Variants in RANBP10 observed in about 807,000 individuals in gnomAD.
RANBP10 encodes RAN binding protein 10.
RANBP10 carries 24 observed loss-of-function variants against 72.8 expected under a neutral mutation model. The observed-to-expected ratio is 0.33, with a 90% CI of 0.24 to 0.46. The LOEUF (loss-of-function observed/expected upper bound fraction) is 0.46, where lower values mean the gene tolerates loss of function less well. RANBP10 is among the 20% of genes least tolerant of loss of function. The pLI is 1.00. For synonymous variants in RANBP10, 310 were observed against 322.3 expected (o/e 0.96, Z 0.41); for missense variants, 679 against 817.5 (o/e 0.83, Z 2.07).
rs2055190191 is a variant in RANBP10, at chr16:67,799,283, CTCT to C, written c.347+6142_347+6144del. 2.2e-5 allele frequency among the ~76,000 whole-genome samples: 3 copies of C among 137,520 alleles called. No individual in the cohort carries two copies. In the South Asian group the frequency reaches 6.9e-4, roughly 32 times the overall value. 90.2% of individuals were successfully genotyped at this position (137,520 alleles called of 152,430 possible). On this transcript the variant is annotated intron_variant, in intron 2 of 13. Transcript: ENST00000317506. ...CGACCTCATGTTCTGCGCTCCACAT[CTCT>C]TTTTTTTTTTTTTTTTTTTGAGACA... is the stretch of plus-strand genomic sequence containing the variant.
In RANBP10 at chr16:67,727,791, C is replaced by T. The variant is rs750728064; in HGVS notation, c.1580G>A (p.Arg527Gln). The T allele has an allele frequency of 3.1e-5, 50 of 1,614,080 alleles. No individual in the cohort carries two copies. The highest frequency in any genetic ancestry group is 5.5e-5 in the South Asian group (5 of 91,092). The change falls in exon 12 of 14, where the codon CGG (arginine) becomes CAG (glutamine). Residue 527 changes from arginine to glutamine, a missense_variant. By Grantham distance (43) the Arg-to-Gln change is conservative. Coordinates refer to ENST00000317506, the MANE Select transcript of RANBP10 (RefSeq NM_020850.3). The stretch of plus-strand genomic sequence containing the variant: ...GTGGGCCAAATTCTTGCCGTACTCC[C>T]GGCCCAACTGCTCACTCAATGCCTG... The part of the protein sequence containing the change: ...ELQALSEQLG[R>Q]EYGKNLAHTE...
At chr16:67,802,147 G>C (rs2055246242) in intron 2 of RANBP10, among the ~76,000 whole-genome samples, 1 of 151,690 alleles carries the variant, frequency 6.6e-6, no homozygotes, top group Admixed American at 6.6e-5. Context: ...GTTGATGTCT[G>C]CCTGCCCTGT....
chr16:67,727,968 G>A, intron 11 of RANBP10, 72 bp from the exon 12 acceptor site: 1 of 1,545,216 alleles, frequency 6.5e-7, no homozygotes, highest in East Asian at 2.3e-5. Context: ...GGTGGGGCAG[G>A]AAGGACCCCG....
chr16:67,723,150 T>G lies in RANBP10; in HGVS notation c.*3278A>C, dbSNP rs1265932828. On this transcript the variant is annotated 3_prime_UTR_variant, in exon 14 of 14. Coordinates refer to ENST00000317506, the MANE Select transcript of RANBP10 (RefSeq NM_020850.3). ...TTTTTTTGTCTCTCAAGTACAATTTTAATAAGATGTTTTGTGTTAGAGTTC... is the reference window on the plus strand; with the variant it reads ...TTTTTTTGTCTCTCAAGTACAATTTGAATAAGATGTTTTGTGTTAGAGTTC... 2 of 152,610 alleles carry G rather than the reference T, an allele frequency of 1.3e-5. No individual in the cohort carries two copies. Among genetic ancestry groups the G allele is most frequent in the African/African-American group, 2.4e-5 (1 of 41,446 alleles). The allele number at this position is 152,610 out of a possible 1,614,324, so 9.5% of individuals were successfully genotyped here.
intron 2 of RANBP10, among the ~76,000 whole-genome samples, chr16:67,797,687 G>A (rs894664900): frequency 3.9e-5 from 6 of 152,128 alleles, no homozygotes; most frequent in Non-Finnish European, 8.8e-5. Context: ...GCACACGCCT[G>A]TAATCCCAGC....
chr16:67,789,716 C>G (rs1192359036), intron 2 of RANBP10, among the ~76,000 whole-genome samples: 1 of 151,846 alleles, frequency 6.6e-6, no homozygotes, highest in East Asian at 2.0e-4. Context: ...GGTGATCCAC[C>G]CATCTCAGTC....
intron 3 of RANBP10, among the ~76,000 whole-genome samples, chr16:67,750,440 G>A (rs1343917174): frequency 6.6e-6 from 1 of 152,154 alleles, no homozygotes; most frequent in Non-Finnish European, 1.5e-5. Flanking sequence ...TCCACTGCCT[G>A]GTGCCTACCA....
chr16:67,760,416 C>G (rs146356720), intron 3 of RANBP10, among the ~76,000 whole-genome samples: 1 of 152,332 alleles, frequency 6.6e-6, no homozygotes, highest in African/African-American at 2.4e-5. Flanking sequence ...GTTTGCAGAA[C>G]GTGTCCTACC....
rs527335501 is a variant in RANBP10 at position 67,804,640 on chromosome 16, T to C, written c.347+788A>G. Among the ~76,000 whole-genome samples the C allele has an allele frequency of 1.6e-4, 25 of 152,236 alleles. No homozygotes were observed. The East Asian group carries it at 4.8e-3, about 29-fold the overall frequency. ...CTGGTCTTGAACTCCTGATCTCAAG[T>C]GATCCGCCCGCCTCGGTCTTCTGAA... On this transcript the variant is annotated intron_variant, in intron 2 of 13. Transcript: ENST00000317506.
chr16:67,741,488 T>C (rs1302329284), intron 4 of RANBP10, among the ~76,000 whole-genome samples: 1 of 152,180 alleles, frequency 6.6e-6, no homozygotes, highest in Non-Finnish European at 1.5e-5. Context: ...AACTTGCTGA[T>C]AAGGAGTACC....
intron 3 of RANBP10, among the ~76,000 whole-genome samples, chr16:67,747,965 C>T (rs947062042): frequency 6.6e-6 from 1 of 151,138 alleles, no homozygotes; most frequent in African/African-American, 2.4e-5. Flanking sequence ...GGACTACAGG[C>T]GCCCGCCACC....
intron 3 of RANBP10, among the ~76,000 whole-genome samples, chr16:67,768,280 G>A (rs1251852491): frequency 6.6e-6 from 1 of 151,792 alleles, no homozygotes; most frequent in Non-Finnish European, 1.5e-5. Context: ...ACTACTTTGG[G>A]AGGCTGAGGC....
chr16:67,728,351 C>A (rs745831856), intron 11 of RANBP10, 39 bp downstream of exon 11: 3 of 1,604,860 alleles, frequency 1.9e-6, no homozygotes, highest in Non-Finnish European at 2.6e-6. Context: ...AGACTGCACA[C>A]TGCCCTCAAA....
intron 3 of RANBP10, among the ~76,000 whole-genome samples, chr16:67,769,078 C>T (rs2054557627): frequency 6.6e-6 from 1 of 152,084 alleles, no homozygotes; most frequent in Non-Finnish European, 1.5e-5. Context: ...TTTGGTAGCA[C>T]ATCATATATT....
chr16:67,734,960 T>C lies in RANBP10; in HGVS notation c.674A>G (p.Asp225Gly). Reference protein sequence around the residue: ...ANFGQQPFLFDIEDYMREWRA... With the variant: ...ANFGQQPFLFGIEDYMREWRA... ...CCACTCCCGCATGTAGTCCTCAATGTCAAACAGGAAGGGCTGCTGCCCAAA... is the reference window on the plus strand; with the variant it reads ...CCACTCCCGCATGTAGTCCTCAATGCCAAACAGGAAGGGCTGCTGCCCAAA... Residue 225 changes from aspartate to glycine, a missense_variant, in exon 6 of 14, where the codon GAC becomes GGC. Coordinates refer to ENST00000317506, the MANE Select transcript of RANBP10 (RefSeq NM_020850.3). 6.2e-7 allele frequency: 1 copy of C among 1,614,102 alleles called. No homozygotes were observed. Among genetic ancestry groups the C allele is most frequent in the Non-Finnish European group, 8.5e-7 (1 of 1,179,984 alleles).
At chr16:67,806,278 C>A (rs1309051459) in intron 1 of RANBP10, 24 bp downstream of exon 1, 2 of 1,583,484 alleles carry the variant, frequency 1.3e-6, no homozygotes, top group African/African-American at 2.7e-5. Context: ...AGCCTTAATT[C>A]CCCCCAGCCT....
intron 2 of RANBP10, among the ~76,000 whole-genome samples, chr16:67,784,629 C>T (rs1009071320): frequency 2.0e-5 from 3 of 151,830 alleles, no homozygotes; most frequent in Admixed American, 6.6e-5. Flanking sequence ...GCGCTCCAGC[C>T]TGGGCCACAA....
intron 2 of RANBP10, among the ~76,000 whole-genome samples, chr16:67,798,135 C>A (rs1176547983): frequency 2.6e-5 from 4 of 152,062 alleles, no homozygotes; most frequent in African/African-American, 7.3e-5. Context: ...CAATGTGTTA[C>A]CTGAGTAGAA....
intron 11 of RANBP10, 92 bp from the exon 12 acceptor site, chr16:67,727,988 C>A: frequency 7.1e-7 from 1 of 1,400,114 alleles, no homozygotes; most frequent in South Asian, 1.2e-5. Context: ...GGGTGGGCTG[C>A]AGCTTCTGCC....
Sources: gnomAD v4.1 joint callset for allele counts (sites outside exome capture counted in the v4.1 genomes callset) on GRCh38, gnomAD v4.1.1 for gene constraint, MANE v1.5 for transcripts, NCBI Gene and HGNC (gene_info 2026-07-23, HGNC 2026-07-21) for gene names.